Variants in TNFSF4 observed in about 807,000 individuals in gnomAD.
TNFSF4 encodes the protein tumor necrosis factor ligand superfamily member 4.
A neutral mutation model predicts 7.3 loss-of-function variants in TNFSF4; 4 were observed. The ratio of observed to expected loss-of-function variants is 0.55; its 90% CI spans 0.27 to 1.25. TNFSF4 has a LOEUF of 1.25. Among genes scored for constraint, TNFSF4 ranks in the 50% most tolerant of loss-of-function variants. The pLI, the probability that TNFSF4 is intolerant of heterozygous loss-of-function variation, is 0.12. For missense variants in TNFSF4, 181 were observed against 208.8 expected (o/e 0.87, Z 0.82); for synonymous variants, 76 against 83.7 (o/e 0.91, Z 0.50).
chr1:173,342,949 T>C, the TNFSF4 span, among the ~76,000 whole-genome samples: 3 of 152,206 alleles, frequency 2.0e-5, no homozygotes, highest in Non-Finnish European at 4.4e-5. Context: ...TTCCCCTTAG[T>C]AGAGTCAGCA....
At chr1:173,277,180 T>C in the TNFSF4 span, among the ~76,000 whole-genome samples, 10 of 152,078 alleles carry the variant, frequency 6.6e-5, no homozygotes, top group Non-Finnish European at 1.3e-4. Context: ...CCTTCCATAG[T>C]GAGGAGACAG....
At chr1:173,283,249 A>G in the TNFSF4 span, among the ~76,000 whole-genome samples, 1 of 152,282 alleles carries the variant, frequency 6.6e-6, no homozygotes, top group South Asian at 2.1e-4. Context: ...TTTCCGGGAT[A>G]TCTCTGAAGG....
intron 1 of TNFSF4, among the ~76,000 whole-genome samples, chr1:173,197,843 TAAAGAAAAAAA>T (rs1291649095): frequency 5.3e-5 from 8 of 151,164 alleles, no homozygotes; most frequent in East Asian, 3.9e-4. Flanking sequence ...AAATAAAAGT[TAAAGAAAAAAA>T]AAAGAAAAGA....
chr1:173,185,256 C>T lies in TNFSF4; in HGVS notation c.*1260G>A, dbSNP rs779342720. ...GGTTTGGCACAGAGAAGTTACAAAT[C>T]ATCTGGAAAGTTGACATGAAAAATC... On this transcript the variant is annotated 3_prime_UTR_variant, in exon 3 of 3. Transcript: ENST00000281834. The T allele has an allele frequency of 6.6e-6, 1 of 152,178 alleles. No homozygotes were observed. The highest frequency in any genetic ancestry group is 1.5e-5 in the Non-Finnish European group (1 of 68,038). The allele number at this position is 152,178 out of a possible 1,614,324, so 9.4% of individuals were successfully genotyped here.
At chr1:173,346,285 G>A in the TNFSF4 span, among the ~76,000 whole-genome samples, 5 of 152,222 alleles carry the variant, frequency 3.3e-5, no homozygotes, top group South Asian at 2.1e-4. Context: ...AGATCAGAGC[G>A]AGTTGTAGGG....
At chr1:173,179,978 TAAC>T (rs1649019522), downstream of TNFSF4, among the ~76,000 whole-genome samples, 1 of 152,210 alleles carries the variant, frequency 6.6e-6, no homozygotes, top group Non-Finnish European at 1.5e-5. Context: ...TTTCAGACCT[TAAC>T]TTAAATGTCA....
At chr1:173,204,961 C>T (rs1379784855) in intron 1 of TNFSF4, among the ~76,000 whole-genome samples, 5 of 151,418 alleles carry the variant, frequency 3.3e-5, no homozygotes, top group Non-Finnish European at 7.4e-5. Context: ...TCACTGCCAC[C>T]AACATTATTT....
the TNFSF4 span, among the ~76,000 whole-genome samples, chr1:173,353,228 A>T: frequency 6.6e-6 from 1 of 152,248 alleles, no homozygotes; most frequent in African/African-American, 2.4e-5. Context: ...ATAGGAAATT[A>T]TAAGAGTATT....
chr1:173,376,706 G>T, the TNFSF4 span, among the ~76,000 whole-genome samples: 1 of 152,210 alleles, frequency 6.6e-6, no homozygotes, highest in Non-Finnish European at 1.5e-5. Flanking sequence ...CATGGGTGGG[G>T]TGAAATAAGG....
chr1:173,389,753 T>G, the TNFSF4 span, among the ~76,000 whole-genome samples: 1 of 152,224 alleles, frequency 6.6e-6, no homozygotes, highest in Non-Finnish European at 1.5e-5. Context: ...AAGTTGCTGA[T>G]TCTCTTTTTA....
chr1:173,326,078 G>C, the TNFSF4 span, among the ~76,000 whole-genome samples: 1 of 152,136 alleles, frequency 6.6e-6, no homozygotes, highest in East Asian at 1.9e-4. Flanking sequence ...GAGAATTTTA[G>C]ACCAATATCC....
At chr1:173,449,774 G>A in the TNFSF4 span, among the ~76,000 whole-genome samples, 2 of 152,130 alleles carry the variant, frequency 1.3e-5, no homozygotes, top group Non-Finnish European at 2.9e-5. Flanking sequence ...ATCAAAATTT[G>A]CAGAAGGCAT....
the TNFSF4 span, among the ~76,000 whole-genome samples, chr1:173,231,569 C>T: frequency 1.2e-4 from 18 of 152,176 alleles, 1 homozygote; most frequent in Non-Finnish European, 7.3e-5. Context: ...CACTCCTATT[C>T]AACGTAGTGT....
At chr1:173,181,248 G>T (rs1339663210), downstream of TNFSF4, among the ~76,000 whole-genome samples, 2 of 152,074 alleles carry the variant, frequency 1.3e-5, no homozygotes, top group African/African-American at 2.4e-5. Flanking sequence ...CTACAACTTT[G>T]GGTCTTCCTG....
chr1:173,358,712 A>T, the TNFSF4 span, among the ~76,000 whole-genome samples: 3 of 152,268 alleles, frequency 2.0e-5, no homozygotes, highest in Non-Finnish European at 2.9e-5. Context: ...TGACAATGGA[A>T]TATCATACAA....
At chr1:173,304,491 A>G in the TNFSF4 span, among the ~76,000 whole-genome samples, 4 of 151,988 alleles carry the variant, frequency 2.6e-5, no homozygotes, top group Admixed American at 2.0e-4. Flanking sequence ...CTCATGAGGG[A>G]AAAGTCCTTT....
At chr1:173,189,454 G>C (rs2101984020) in intron 1 of TNFSF4, among the ~76,000 whole-genome samples, 1 of 152,264 alleles carries the variant, frequency 6.6e-6, no homozygotes, top group East Asian at 1.9e-4. Flanking sequence ...ATTTGGTGTA[G>C]CTTTTTTAAA....
chr1:173,365,007 G>A, the TNFSF4 span, among the ~76,000 whole-genome samples: 1 of 152,006 alleles, frequency 6.6e-6, no homozygotes, highest in African/African-American at 2.4e-5. Context: ...TCAGGAGGCT[G>A]AGCCCAGGTA....
chr1:173,321,638 A>C, the TNFSF4 span, among the ~76,000 whole-genome samples: 2 of 151,798 alleles, frequency 1.3e-5, no homozygotes, highest in African/African-American at 4.8e-5. Flanking sequence ...GAAAAAAAAA[A>C]CCATCAGAAA....
Sources: gnomAD v4.1 joint callset for allele counts (sites outside exome capture counted in the v4.1 genomes callset) on GRCh38, gnomAD v4.1.1 for gene constraint, MANE v1.5 for transcripts, NCBI Gene and HGNC (gene_info 2026-07-23, HGNC 2026-07-21) for gene names.